Variants in RNF121 observed in about 807,000 individuals in gnomAD.
RNF121 encodes E3 ubiquitin ligase RNF121.
A neutral mutation model predicts 46.5 loss-of-function variants in RNF121; 21 were observed. The ratio of observed to expected loss-of-function variants is 0.45; its 90% CI spans 0.32 to 0.65. RNF121 has a LOEUF of 0.65. Ranked by LOEUF, RNF121 falls within the 30% of genes least tolerant of loss-of-function variation. The pLI, the probability that RNF121 is intolerant of heterozygous loss-of-function variation, is 0.04. For missense variants in RNF121, 346 were observed against 416.0 expected, an observed-to-expected ratio of 0.83 and a Z score of 1.46; for synonymous variants, 139 against 144.7, an observed-to-expected ratio of 0.96 and a Z score of 0.28.
intron 3 of RNF121, among the ~76,000 whole-genome samples, chr11:71,965,497 C>T (rs1271227174): frequency 2.0e-5 from 3 of 152,114 alleles, no homozygotes; most frequent in Admixed American, 6.5e-5. Flanking sequence ...CCATCCACCT[C>T]GGCCTCCCAA....
At chr11:71,961,062 G>A (rs1954119784) in intron 3 of RNF121, among the ~76,000 whole-genome samples, 171 bp downstream of exon 3, 1 of 152,206 alleles carries the variant, frequency 6.6e-6, no homozygotes, top group African/African-American at 2.4e-5. Context: ...CTAAGGGTCA[G>A]GTGATTCAGA....
At chr11:71,994,415 C>T (rs962894505) in intron 6 of RNF121, among the ~76,000 whole-genome samples, 1 of 152,106 alleles carries the variant, frequency 6.6e-6, no homozygotes, top group African/African-American at 2.4e-5. Flanking sequence ...AAGTCCTTCT[C>T]CCTCCCCTTC....
At chr11:71,952,146 A>G (rs907871231) in intron 1 of RNF121, among the ~76,000 whole-genome samples, 1 of 152,244 alleles carries the variant, frequency 6.6e-6, no homozygotes, top group Non-Finnish European at 1.5e-5. Context: ...ATACAAACGA[A>G]TGAACTACAG....
chr11:71,992,803 G>A (rs7942626), intron 6 of RNF121, among the ~76,000 whole-genome samples: 140,134 of 152,256 alleles, frequency 0.92, 64,794 homozygotes, highest in Non-Finnish European at 0.98. Flanking sequence ...TAAATTAACA[G>A]CCAATCTGAG....
chr11:71,945,391 C>T (rs1037566566), intron 1 of RNF121, among the ~76,000 whole-genome samples: 2 of 152,176 alleles, frequency 1.3e-5, no homozygotes, highest in African/African-American at 4.8e-5. Context: ...TTGGCTGTAT[C>T]AGATGGCTTT....
In RNF121 at chr11:71,937,182, G is replaced by A. The variant is rs146600939; in HGVS notation, c.63+8058G>A. 4.2e-4 allele frequency among the ~76,000 whole-genome samples: 64 copies of A among 152,260 alleles called. No individual in the cohort carries two copies. The East Asian group carries it at 0.011, about 26-fold the overall frequency. ...GATTTCCGTCAGCACTTACCATGTC[G>A]TATTGTCTTTTCCATTAGGCAGGGA... On this transcript the variant is annotated intron_variant, in intron 1 of 8. Coordinates refer to ENST00000361756, the MANE Select transcript of RNF121 (RefSeq NM_018320.5).
chr11:71,934,882 G>A (rs1953366805), intron 1 of RNF121, among the ~76,000 whole-genome samples: 1 of 151,838 alleles, frequency 6.6e-6, no homozygotes, highest in African/African-American at 2.4e-5. Context: ...TGCTGAGGGT[G>A]AAATAATACA....
At chr11:71,958,947 C>T (rs1350879426) in intron 2 of RNF121, among the ~76,000 whole-genome samples, 1 of 152,186 alleles carries the variant, frequency 6.6e-6, no homozygotes, top group Non-Finnish European at 1.5e-5. Context: ...AGAAACTTAT[C>T]TCTTGCTATC....
intron 1 of RNF121, among the ~76,000 whole-genome samples, chr11:71,949,355 C>T (rs1953807314): frequency 1.3e-5 from 2 of 151,960 alleles, no homozygotes; most frequent in African/African-American, 4.8e-5. Context: ...AAAGTCGACA[C>T]TGCAGTGATC....
At chr11:71,939,529 A>C (rs971296556) in intron 1 of RNF121, 4 of 152,490 alleles carry the variant, frequency 2.6e-5, no homozygotes, top group African/African-American at 9.6e-5. Context: ...GGTCAAGTTA[A>C]TAGCCAACCA....
intron 5 of RNF121, among the ~76,000 whole-genome samples, chr11:71,989,965 T>C (rs543976192): frequency 6.6e-5 from 10 of 152,316 alleles, no homozygotes; most frequent in East Asian, 3.8e-4. Context: ...TAGGTACTTA[T>C]ATAACAAGAG....
chr11:71,936,372 A>C, intron 1 of RNF121, among the ~76,000 whole-genome samples: 1 of 146,660 alleles, frequency 6.8e-6, no homozygotes, highest in Non-Finnish European at 1.5e-5. Context: ...CCCCCAGCTC[A>C]CCCTTGCTTT....
intron 3 of RNF121, among the ~76,000 whole-genome samples, chr11:71,966,164 C>T (rs1954271325): frequency 2.0e-5 from 3 of 151,898 alleles, no homozygotes; most frequent in Admixed American, 6.6e-5. Flanking sequence ...GGATTACAGG[C>T]GTGCGCCACC....
chr11:71,948,805 A>G (rs1953792305), intron 1 of RNF121, among the ~76,000 whole-genome samples: 1 of 152,168 alleles, frequency 6.6e-6, no homozygotes, highest in Non-Finnish European at 1.5e-5. Context: ...AAGAATGTGA[A>G]TGAGAGGAGA....
chr11:71,929,046 G>A lies in RNF121; in HGVS notation c.-16G>A. On this transcript the variant is annotated 5_prime_UTR_variant, in exon 1 of 9. Transcript: ENST00000361756. Reference sequence around the variant, plus strand: ...TGGCTCGCGCGGGGACTGCGGTGAGGGGGCGAGCCGTGAAGATGGCGGCAG... The same window carrying A: ...TGGCTCGCGCGGGGACTGCGGTGAGAGGGCGAGCCGTGAAGATGGCGGCAG... The A allele has an allele frequency of 3.2e-6, 5 of 1,551,056 alleles. No individual in the cohort carries two copies. The highest frequency in any genetic ancestry group is 2.4e-5 in the South Asian group (2 of 84,032).
chr11:71,948,167 A>G (rs1953770904), intron 1 of RNF121, among the ~76,000 whole-genome samples: 1 of 152,200 alleles, frequency 6.6e-6, no homozygotes, highest in South Asian at 2.1e-4. Context: ...TGGGATAGCA[A>G]TTGAAGAACC....
intron 4 of RNF121, among the ~76,000 whole-genome samples, chr11:71,984,376 T>TTCACAC (rs966094776): frequency 1.0e-4 from 15 of 149,060 alleles, no homozygotes; most frequent in Non-Finnish European, 1.5e-4. Context: ...GCCTCCTGGG[T>TTCACAC]TCACACCATT....
At chr11:71,995,362 C>T (rs539964064) in intron 7 of RNF121, 88 bp from the exon 8 acceptor site, 24 of 1,029,880 alleles carry the variant, frequency 2.3e-5, no homozygotes, top group African/African-American at 3.2e-5. Flanking sequence ...TGATAAAGAG[C>T]GAAGGCAGGA....
At chr11:71,963,864 T>G (rs1954203798) in intron 3 of RNF121, among the ~76,000 whole-genome samples, 2 of 152,350 alleles carry the variant, frequency 1.3e-5, no homozygotes, top group South Asian at 2.1e-4. Flanking sequence ...TTTTATTCCG[T>G]TGATCTATAT....
Sources: gnomAD v4.1 joint callset for allele counts (sites outside exome capture counted in the v4.1 genomes callset) on GRCh38, gnomAD v4.1.1 for gene constraint, MANE v1.5 for transcripts, NCBI Gene and HGNC (gene_info 2026-07-23, HGNC 2026-07-21) for gene names.